TENM3: variants seen among roughly 807,000 people sequenced by gnomAD.
The protein encoded by TENM3 is teneurin transmembrane protein 3, also known as teneurin-3.
TENM3 carries 63 observed loss-of-function variants against 255.1 expected under a neutral mutation model. The ratio of observed to expected loss-of-function variants is 0.25; its 90% CI spans 0.20 to 0.30. The LOEUF (loss-of-function observed/expected upper bound fraction) is 0.30, where lower values mean the gene tolerates loss of function less well. Ranked by LOEUF, TENM3 falls within the 10% of genes least tolerant of loss-of-function variation. The probability of loss-of-function intolerance (pLI) is 1.00; values close to 1 mark genes in which losing one functional copy is unlikely to be tolerated. For synonymous variants in TENM3, 1,306 were observed against 1,322.3 expected (o/e 0.99, Z 0.27); for missense variants, 2,929 against 3,461.1 (o/e 0.85, Z 3.86).
chr4:182,258,130 A>G (rs972177646), intron 1 of TENM3, among the ~76,000 whole-genome samples: 2 of 152,186 alleles, frequency 1.3e-5, no homozygotes, highest in African/African-American at 2.4e-5. Context: ...ATATAGAATC[A>G]TGTATATAGC....
chr4:182,794,020 G>A, intron 26 of TENM3, 135 bp downstream of exon 26: 2 of 746,192 alleles, frequency 2.7e-6, no homozygotes, highest in Non-Finnish European at 4.3e-6. Context: ...TTTTAAATGT[G>A]TTTATTTCTT....
chr4:182,263,883 A>G (rs971958987), intron 1 of TENM3, among the ~76,000 whole-genome samples: 2 of 152,148 alleles, frequency 1.3e-5, no homozygotes, highest in Non-Finnish European at 2.9e-5. Flanking sequence ...TGCTAAGCAG[A>G]GTGGCTAATG....
chr4:181,528,811 C>A, the TENM3 span, among the ~76,000 whole-genome samples: 1 of 152,260 alleles, frequency 6.6e-6, no homozygotes, highest in African/African-American at 2.4e-5. Flanking sequence ...AGGTTCCTTC[C>A]CTGAGAGGCT....
chr4:181,615,062 T>A, the TENM3 span, among the ~76,000 whole-genome samples: 6 of 152,182 alleles, frequency 3.9e-5, no homozygotes, highest in Non-Finnish European at 8.8e-5. Flanking sequence ...GCTGAATGTC[T>A]AGGTTCCCAG....
rs367591604 is a variant in TENM3 at position 182,628,807 on chromosome 4, A to G, written c.906A>G (p.Ser302=). The change falls in exon 5 of 28, where the codon TCA becomes TCG. Residue 302 remains serine, a synonymous_variant. Transcript: ENST00000511685. ...GTGCTTTTAAATTCAAGAAGTCTTC[A>G]AAGTACTGTAGCTGGAAATGCACTG... ...SRSAFKFKKS[S]KYCSWKCTAL... The G allele has an allele frequency of 1.4e-5, 22 of 1,611,220 alleles. No homozygotes were observed. The East Asian group carries it at 2.0e-4, about 15-fold the overall frequency.
At chr4:181,702,901 T>G in the TENM3 span, among the ~76,000 whole-genome samples, 1 of 152,252 alleles carries the variant, frequency 6.6e-6, no homozygotes, top group African/African-American at 2.4e-5. Flanking sequence ...TTACGTAACA[T>G]ATGAATTGTC....
intron 1 of TENM3, among the ~76,000 whole-genome samples, chr4:182,196,950 T>G (rs1215247643): frequency 2.0e-5 from 3 of 152,136 alleles, no homozygotes; most frequent in Non-Finnish European, 4.4e-5. Flanking sequence ...TCTTCTCGGA[T>G]GCCAAGGAGC....
At chr4:181,573,731 C>A in the TENM3 span, among the ~76,000 whole-genome samples, 1 of 152,170 alleles carries the variant, frequency 6.6e-6, no homozygotes, top group East Asian at 1.9e-4. Flanking sequence ...ATTAGAAAAT[C>A]AATACTTTAA....
intron 3 of TENM3, among the ~76,000 whole-genome samples, chr4:182,380,257 G>C (rs1377834228): frequency 6.6e-6 from 1 of 150,698 alleles, no homozygotes; most frequent in Non-Finnish European, 1.5e-5. Context: ...GGCAACGAGA[G>C]TGAAACTCCA....
the TENM3 span, among the ~76,000 whole-genome samples, chr4:181,615,484 T>C: frequency 2.0e-3 from 299 of 152,338 alleles, 3 homozygotes; most frequent in Middle Eastern, 6.8e-3. Flanking sequence ...TATAACCATG[T>C]GCCCTTGAAT....
chr4:182,451,553 G>A (rs1467822284), intron 3 of TENM3, among the ~76,000 whole-genome samples: 1 of 152,118 alleles, frequency 6.6e-6, no homozygotes, highest in Non-Finnish European at 1.5e-5. Context: ...AGGAGGCACT[G>A]TCTAAATACA....
chr4:182,748,093 C>A (rs539795660), intron 19 of TENM3, among the ~76,000 whole-genome samples: 33 of 152,262 alleles, frequency 2.2e-4, no homozygotes, highest in Admixed American at 6.5e-4. Context: ...CTGCACTTAC[C>A]ACTGGATCTG....
chr4:182,568,826 A>G (rs904843900), intron 3 of TENM3, among the ~76,000 whole-genome samples: 9 of 152,260 alleles, frequency 5.9e-5, no homozygotes, highest in African/African-American at 2.2e-4. Context: ...CTATACATAG[A>G]AAAATGAATG....
intron 1 of TENM3, among the ~76,000 whole-genome samples, chr4:182,268,883 A>G (rs1184992027): frequency 6.6e-6 from 1 of 152,174 alleles, no homozygotes; most frequent in South Asian, 2.1e-4. Flanking sequence ...TGCTCTGTCT[A>G]TGGAGTAGCC....
intron 3 of TENM3, among the ~76,000 whole-genome samples, chr4:182,599,944 C>G (rs1747666183): frequency 6.6e-6 from 1 of 152,146 alleles, no homozygotes; most frequent in African/African-American, 2.4e-5. Flanking sequence ...AATTCTAGCA[C>G]ATCCAAAGCT....
chr4:182,652,225 T>TA (rs1308592613), intron 5 of TENM3, among the ~76,000 whole-genome samples: 1 of 152,192 alleles, frequency 6.6e-6, no homozygotes, highest in Non-Finnish European at 1.5e-5. Flanking sequence ...ATAAATGAGA[T>TA]ACGAAAGTCA....
intron 3 of TENM3, among the ~76,000 whole-genome samples, chr4:182,356,964 G>A (rs915523745): frequency 2.0e-4 from 30 of 148,976 alleles, no homozygotes; most frequent in South Asian, 1.7e-3. Context: ...GAGAATATGC[G>A]GTGTTTGGTT....
the TENM3 span, among the ~76,000 whole-genome samples, chr4:181,612,687 G>A: frequency 5.5e-4 from 84 of 152,126 alleles, no homozygotes; most frequent in African/African-American, 1.7e-3. Flanking sequence ...GATAGGATAC[G>A]CAGTCTGTTA....
At chr4:181,758,137 G>T in the TENM3 span, among the ~76,000 whole-genome samples, 1 of 152,100 alleles carries the variant, frequency 6.6e-6, no homozygotes, top group East Asian at 1.9e-4. Context: ...CACTTCCCCA[G>T]TGCTCTCCAG....
Sources: gnomAD v4.1 joint callset for allele counts (sites outside exome capture counted in the v4.1 genomes callset) on GRCh38, gnomAD v4.1.1 for gene constraint, MANE v1.5 for transcripts, NCBI Gene and HGNC (gene_info 2026-07-23, HGNC 2026-07-21) for gene names.